Variants in DOCK2 observed in about 807,000 individuals in gnomAD.
The protein encoded by DOCK2 is dedicator of cytokinesis 2.
DOCK2 carries 87 observed loss-of-function variants against 248.9 expected under a neutral mutation model. The observed-to-expected ratio is 0.35, with a 90% CI of 0.29 to 0.42. The LOEUF is 0.42. DOCK2 is among the 10% of genes least tolerant of loss of function. The probability of loss-of-function intolerance (pLI) is 1.00; values close to 1 mark genes in which losing one functional copy is unlikely to be tolerated. For missense variants in DOCK2, 1,747 were observed against 2,300.2 expected (o/e 0.76, Z 4.92); for synonymous variants, 805 against 821.6 (o/e 0.98, Z 0.35).
At chr5:169,812,321 G>A (rs1409684191) in intron 26 of DOCK2, among the ~76,000 whole-genome samples, 1 of 152,164 alleles carries the variant, frequency 6.6e-6, no homozygotes, top group Admixed American at 6.5e-5. Flanking sequence ...AATGCCTAAT[G>A]ATCTGTCACT....
At chr5:169,832,424 G>A (rs1317286728) in intron 26 of DOCK2, among the ~76,000 whole-genome samples, 1 of 152,220 alleles carries the variant, frequency 6.6e-6, no homozygotes, top group Non-Finnish European at 1.5e-5. Context: ...AGTGGGTGGG[G>A]AGAAGCAGAG....
Position 170,069,473 on chromosome 5 carries a change from T to C in DOCK2, c.4728+253T>C, listed in dbSNP as rs561088295. ...GCTATGCTGGATGGTGCCAAGATTA[T>C]CTTATTTGATGTTGAATTCAGGGGA... is the stretch of plus-strand genomic sequence containing the variant. On this transcript the variant is annotated intron_variant, in intron 46 of 51. Coordinates refer to ENST00000520908, the MANE Select transcript of DOCK2 (RefSeq NM_004946.3). 7.9e-5 allele frequency among the ~76,000 whole-genome samples: 12 copies of C among 152,256 alleles called. No individual in the cohort carries two copies. In the South Asian group the frequency reaches 2.5e-3, roughly 32 times the overall value.
chr5:169,970,669 T>C (rs1777470350), intron 27 of DOCK2, among the ~76,000 whole-genome samples: 1 of 152,224 alleles, frequency 6.6e-6, no homozygotes, highest in African/African-American at 2.4e-5. Context: ...TAACTTTGAT[T>C]AGACTTTTGC....
In DOCK2 at chr5:169,782,500, G is replaced by GTT. The variant is rs369831482; in HGVS notation, c.2555-20541_2555-20540dup. Among the ~76,000 whole-genome samples the GTT allele has an allele frequency of 4.0e-3, 546 of 137,468 alleles. 7 individuals carry two copies. The highest frequency in any genetic ancestry group is 0.014 in the African/African-American group (525 of 37,672). The allele number at this position is 137,468 out of a possible 152,430, so 90.2% of individuals were successfully genotyped here. A position where few individuals can be genotyped will look rare whatever the true frequency, so the allele number is the denominator to read the frequency against. ...AGAACACTAGGCAGCTTCCTCCTTAGTTTTTTTTTTTTTTTTTTAATTTCT... is the reference window on the plus strand; with the variant it reads ...AGAACACTAGGCAGCTTCCTCCTTAGTTTTTTTTTTTTTTTTTTTTAATTTCT... On this transcript the variant is annotated intron_variant, in intron 25 of 51. Transcript: ENST00000520908.
chr5:170,047,715 T>A, intron 40 of DOCK2, 101 bp downstream of exon 40: 1 of 1,052,634 alleles, frequency 9.5e-7, no homozygotes, highest in Non-Finnish European at 1.4e-6. Context: ...TCAGAAGCGG[T>A]GCTCTTCTCT....
intron 38 of DOCK2, among the ~76,000 whole-genome samples, chr5:170,043,238 T>C (rs1271269755): frequency 1.3e-5 from 2 of 152,190 alleles, no homozygotes; most frequent in Non-Finnish European, 2.9e-5. Flanking sequence ...TCCCTTGACC[T>C]AAGAGACTCC....
intron 23 of DOCK2, among the ~76,000 whole-genome samples, chr5:169,751,228 C>T (rs1233660518): frequency 6.6e-6 from 1 of 152,168 alleles, no homozygotes; most frequent in African/African-American, 2.4e-5. Flanking sequence ...AGAAGGCGGG[C>T]ATTTGTGTTC....
At chr5:169,748,180 A>T (rs1254644765) in intron 23 of DOCK2, among the ~76,000 whole-genome samples, 6 of 131,128 alleles carry the variant, frequency 4.6e-5, no homozygotes, top group African/African-American at 2.0e-4. Flanking sequence ...TTTTTTTTTT[A>T]AATCAATATT....
intron 27 of DOCK2, among the ~76,000 whole-genome samples, chr5:169,907,344 T>TGCTCCA (rs1030184783): frequency 4.6e-5 from 7 of 152,356 alleles, no homozygotes; most frequent in African/African-American, 1.7e-4. Flanking sequence ...CATGTATTTC[T>TGCTCCA]AGAAGGGAGC....
intron 27 of DOCK2, among the ~76,000 whole-genome samples, chr5:169,892,176 G>A (rs571597380): frequency 6.6e-6 from 1 of 152,162 alleles, no homozygotes; most frequent in South Asian, 2.1e-4. Context: ...ATAAAGTGGA[G>A]TTGTTCTAGA....
chr5:169,910,799 C>T (rs774105340), intron 27 of DOCK2, among the ~76,000 whole-genome samples: 1 of 152,168 alleles, frequency 6.6e-6, no homozygotes, highest in Non-Finnish European at 1.5e-5. Context: ...GGCAGGTGCC[C>T]CTTCTGCTTC....
At chr5:169,810,571 A>G (rs59070052) in intron 26 of DOCK2, among the ~76,000 whole-genome samples, 2,712 of 152,270 alleles carry the variant, frequency 0.018, 75 homozygotes, top group East Asian at 0.069. Flanking sequence ...GTTGGTTAAC[A>G]TCAGGTTACT....
At chr5:169,866,191 C>G (rs1185645939) in intron 27 of DOCK2, among the ~76,000 whole-genome samples, 2 of 152,180 alleles carry the variant, frequency 1.3e-5, no homozygotes, top group Non-Finnish European at 2.9e-5. Flanking sequence ...CATTTTTCAT[C>G]CAGGCTTGCT....
chr5:169,715,500 A>G (rs1298079714), intron 19 of DOCK2, among the ~76,000 whole-genome samples: 1 of 152,164 alleles, frequency 6.6e-6, no homozygotes, highest in Non-Finnish European at 1.5e-5. Flanking sequence ...TAACTCCCCA[A>G]GACACCACTT....
intron 26 of DOCK2, among the ~76,000 whole-genome samples, chr5:169,814,685 A>G (rs1339856762): frequency 6.6e-6 from 1 of 152,228 alleles, no homozygotes; most frequent in Non-Finnish European, 1.5e-5. Flanking sequence ...TTCAAAATTT[A>G]AAATGTTTTT....
chr5:169,998,870 GT>G (rs1314690418), intron 30 of DOCK2, among the ~76,000 whole-genome samples: 2 of 152,198 alleles, frequency 1.3e-5, no homozygotes, highest in Non-Finnish European at 2.9e-5. Flanking sequence ...CAGGAGAGAT[GT>G]TTGATTCCCT....
chr5:170,023,747 T>C (rs1231488582), intron 33 of DOCK2, among the ~76,000 whole-genome samples: 3 of 152,040 alleles, frequency 2.0e-5, no homozygotes, highest in African/African-American at 7.3e-5. Context: ...ACAGAGGAGG[T>C]CAAAGGCAGA....
At chr5:170,006,266 C>T (rs1581521368) in intron 30 of DOCK2, among the ~76,000 whole-genome samples, 2 of 152,170 alleles carry the variant, frequency 1.3e-5, no homozygotes, top group East Asian at 3.8e-4. Flanking sequence ...CCAAATGTTA[C>T]AAGAAACTTT....
chr5:169,641,492 G>A (rs1365265276), intron 1 of DOCK2, among the ~76,000 whole-genome samples: 1 of 152,214 alleles, frequency 6.6e-6, no homozygotes, highest in Admixed American at 6.5e-5. Context: ...ATGGATTTTT[G>A]TTGAAGGGAA....
Sources: gnomAD v4.1 joint callset for allele counts (sites outside exome capture counted in the v4.1 genomes callset) on GRCh38, gnomAD v4.1.1 for gene constraint, MANE v1.5 for transcripts, NCBI Gene and HGNC (gene_info 2026-07-23, HGNC 2026-07-21) for gene names.